The following AOPEP variants were observed in gnomAD, a reference collection of about 807,000 sequenced individuals.
AOPEP encodes the protein aminopeptidase O.
In AOPEP, 77 loss-of-function variants were observed where a neutral mutation model predicts 98.1. The ratio of observed to expected loss-of-function variants is 0.78; its 90% CI spans 0.65 to 0.95. The LOEUF is 0.95. Ranked by LOEUF, AOPEP falls within the 40% of genes least tolerant of loss-of-function variation. The pLI is 0.00. For missense variants in AOPEP, 1,024 were observed against 1,024.7 expected (o/e 1.00, Z 0.01); for synonymous variants, 346 against 365.3 (o/e 0.95, Z 0.60).
intron 5 of AOPEP, chr9:94,921,484 A>G (rs1400268560): frequency 2.6e-5 from 4 of 152,248 alleles, no homozygotes; most frequent in Non-Finnish European, 4.4e-5. Flanking sequence ...TGTTGAAGAA[A>G]AGCAATCTAA....
intron 11 of AOPEP, among the ~76,000 whole-genome samples, chr9:94,988,514 GAGAA>G (rs1173640397): frequency 2.0e-5 from 3 of 152,178 alleles, no homozygotes; most frequent in African/African-American, 7.2e-5. Flanking sequence ...ACACCGTAGA[GAGAA>G]AGCTAATATT....
chr9:95,000,876 T>C (rs1364657427), intron 11 of AOPEP, among the ~76,000 whole-genome samples: 5 of 152,210 alleles, frequency 3.3e-5, no homozygotes, highest in Non-Finnish European at 7.3e-5. Flanking sequence ...ATAGAACGCT[T>C]CTGAAACCAG....
the AOPEP span, among the ~76,000 whole-genome samples, chr9:95,108,910 T>G: frequency 1.7e-5 from 1 of 58,132 alleles, no homozygotes; most frequent in East Asian, 1.1e-3. Flanking sequence ...CTTCAAGACC[T>G]TTTTTTTTTT....
At chr9:94,819,580 T>C (rs953168779) in intron 5 of AOPEP, among the ~76,000 whole-genome samples, 5 of 152,134 alleles carry the variant, frequency 3.3e-5, no homozygotes, top group African/African-American at 1.2e-4. Flanking sequence ...CGGGATTTTA[T>C]TGTTTAGTTT....
intron 5 of AOPEP, among the ~76,000 whole-genome samples, chr9:94,846,892 C>T (rs1447232060): frequency 6.6e-6 from 1 of 152,014 alleles, no homozygotes; most frequent in Non-Finnish European, 1.5e-5. Context: ...GCCTGGGTGA[C>T]AGAGCAAGAC....
chr9:94,884,678 C>T (rs1254841659), intron 5 of AOPEP, among the ~76,000 whole-genome samples: 7 of 152,152 alleles, frequency 4.6e-5, no homozygotes, highest in Admixed American at 3.3e-4. Context: ...TATCTCACAG[C>T]GTTGTTAAGA....
intron 5 of AOPEP, among the ~76,000 whole-genome samples, chr9:94,846,927 T>G (rs1277167842): frequency 1.3e-5 from 2 of 151,776 alleles, no homozygotes; most frequent in Non-Finnish European, 2.9e-5. Context: ...AATGAATGAA[T>G]GAATGAAGCT....
intron 1 of AOPEP, among the ~76,000 whole-genome samples, chr9:94,738,854 G>A (rs1018292548): frequency 1.3e-5 from 2 of 152,234 alleles, no homozygotes; most frequent in African/African-American, 2.4e-5. Flanking sequence ...GATTACAGGC[G>A]TGAGCCGCTG....
intron 13 of AOPEP, among the ~76,000 whole-genome samples, chr9:95,035,507 A>ATTTT (rs542840000): frequency 5.9e-5 from 4 of 67,964 alleles, no homozygotes; most frequent in African/African-American, 2.4e-4. Context: ...GCTTCAGATA[A>ATTTT]TTTTTTTTTT....
intron 13 of AOPEP, among the ~76,000 whole-genome samples, chr9:95,036,004 C>T (rs1413115528): frequency 1.3e-5 from 2 of 152,074 alleles, no homozygotes; most frequent in East Asian, 1.9e-4. Context: ...GAGAGGTTTC[C>T]GTGATGGTGG....
At chr9:94,955,829 A>T in intron 8 of AOPEP, 79 bp from the exon 9 acceptor site, 1 of 896,292 alleles carries the variant, frequency 1.1e-6, no homozygotes, top group Non-Finnish European at 1.8e-6. Flanking sequence ...ACTATGGGTT[A>T]GGTAGGGCTG....
At chr9:95,077,395 C>T (rs906077409) in intron 14 of AOPEP, among the ~76,000 whole-genome samples, 5 of 152,202 alleles carry the variant, frequency 3.3e-5, no homozygotes, top group Admixed American at 6.5e-5. Context: ...GGAGGCCGGT[C>T]GCCCCGCCAG....
At chr9:94,833,253 T>TTTC in intron 5 of AOPEP, among the ~76,000 whole-genome samples, 1 of 147,790 alleles carries the variant, frequency 6.8e-6, no homozygotes. Flanking sequence ...TTTTTTTTTT[T>TTTC]TTTGAGATGG....
At chr9:95,100,516 AC>A in the AOPEP span, 1 of 232,302 alleles carries the variant, frequency 4.3e-6, no homozygotes, top group South Asian at 1.8e-4. Flanking sequence ...GTCTTGACTC[AC>A]TTGACAAACA....
At chr9:94,881,525 T>C (rs2047585789) in intron 5 of AOPEP, among the ~76,000 whole-genome samples, 1 of 152,190 alleles carries the variant, frequency 6.6e-6, no homozygotes, top group African/African-American at 2.4e-5. Context: ...TGGTAGTCTT[T>C]TGGGTTTTTT....
chr9:94,785,729 A>G (rs772828983), intron 3 of AOPEP, among the ~76,000 whole-genome samples: 4 of 152,234 alleles, frequency 2.6e-5, no homozygotes, highest in Non-Finnish European at 4.4e-5. Context: ...GGTTAATTCA[A>G]GTACAGTGTG....
intron 1 of AOPEP, among the ~76,000 whole-genome samples, chr9:94,748,814 T>C (rs1835077981): frequency 6.6e-6 from 1 of 152,210 alleles, no homozygotes; most frequent in Non-Finnish European, 1.5e-5. Flanking sequence ...ACACTGAAGT[T>C]TCAGGAATAC....
At chr9:94,932,101 T>A in intron 7 of AOPEP, 1 of 1,053,506 alleles carries the variant, frequency 9.5e-7, no homozygotes, top group Non-Finnish European at 1.1e-6. Context: ...CATATTCCTG[T>A]CTTCAGGGAA....
the AOPEP span, among the ~76,000 whole-genome samples, chr9:95,132,701 T>C: frequency 3.3e-5 from 5 of 152,158 alleles, no homozygotes; most frequent in African/African-American, 9.7e-5. Context: ...AATACATACA[T>C]AGTCATTTGG....
Sources: gnomAD v4.1 joint callset for allele counts (sites outside exome capture counted in the v4.1 genomes callset) on GRCh38, gnomAD v4.1.1 for gene constraint, MANE v1.5 for transcripts, NCBI Gene and HGNC (gene_info 2026-07-23, HGNC 2026-07-21) for gene names.